TBX15: variants seen among roughly 807,000 people sequenced by gnomAD.
TBX15 encodes the protein T-box transcription factor TBX15.
TBX15 carries 18 observed loss-of-function variants against 53.9 expected under a neutral mutation model. The observed-to-expected ratio is 0.33, with a 90% confidence interval of 0.23 to 0.49. The LOEUF (loss-of-function observed/expected upper bound fraction) is 0.49. Ranked by LOEUF, TBX15 falls within the 20% of genes least tolerant of loss-of-function variation. TBX15 has a pLI of 0.98. For synonymous variants in TBX15, 295 were observed against 278.0 expected, an observed-to-expected ratio of 1.06 and a Z score of -0.61; for missense variants, 692 against 749.5, an observed-to-expected ratio of 0.92 and a Z score of 0.90.
At chr1:118,889,399 A>C (rs1430143456) in intron 7 of TBX15, among the ~76,000 whole-genome samples, 2 of 152,212 alleles carry the variant, frequency 1.3e-5, no homozygotes, top group African/African-American at 4.8e-5. Context: ...CACTTGGCTG[A>C]CTAGAGATTC....
Position 118,988,054 on chromosome 1 carries a change from C to A in TBX15, c.-259G>T. On this transcript the variant is annotated 5_prime_UTR_variant, in exon 1 of 8. Coordinates refer to ENST00000369429, the MANE Select transcript of TBX15 (RefSeq NM_001330677.2). ...GAGCGCCGCCCGCTCGCTGCATGAGCGCCCGAGTCCTGCTTCCCACCCACC... is the reference window on the plus strand; with the variant it reads ...GAGCGCCGCCCGCTCGCTGCATGAGAGCCCGAGTCCTGCTTCCCACCCACC... 1.8e-6 allele frequency: 1 copy of A among 552,102 alleles called. No individual in the cohort carries two copies. The highest frequency in any genetic ancestry group is 3.2e-6 in the Non-Finnish European group (1 of 312,666). The allele number at this position is 552,102 out of a possible 1,614,324, so 34.2% of individuals were successfully genotyped here.
chr1:118,928,932 C>G (rs549682201), intron 2 of TBX15, among the ~76,000 whole-genome samples: 1 of 152,332 alleles, frequency 6.6e-6, no homozygotes, highest in African/African-American at 2.4e-5. Flanking sequence ...CTTTAAAATT[C>G]TGTGACTACC....
intron 7 of TBX15, among the ~76,000 whole-genome samples, chr1:118,887,504 G>A (rs1436141801): frequency 3.3e-5 from 5 of 151,998 alleles, no homozygotes; most frequent in Admixed American, 6.6e-5. Flanking sequence ...GTGAAACCCC[G>A]TCTCTACTAA....
At chr1:118,947,541 G>A (rs1656385944) in intron 1 of TBX15, among the ~76,000 whole-genome samples, 1 of 152,190 alleles carries the variant, frequency 6.6e-6, no homozygotes, top group South Asian at 2.1e-4. Context: ...ACATCTGTGA[G>A]AAGTGGAGAA....
chr1:118,944,567 T>TGGTGTGTTGTTGAG (rs1656284439), intron 1 of TBX15, among the ~76,000 whole-genome samples: 1 of 152,202 alleles, frequency 6.6e-6, no homozygotes, highest in African/African-American at 2.4e-5. Flanking sequence ...CCAAAATAGC[T>TGGTGTGTTGTTGAG]GGTGTGTTGT....
At chr1:118,952,461 T>G (rs1656546575) in intron 1 of TBX15, among the ~76,000 whole-genome samples, 1 of 152,210 alleles carries the variant, frequency 6.6e-6, no homozygotes, top group Non-Finnish European at 1.5e-5. Context: ...TGTCTTTAGA[T>G]TCAAACCAAG....
chr1:118,898,920 T>C (rs374813035), intron 7 of TBX15, 108 bp downstream of exon 7: 8 of 1,094,676 alleles, frequency 7.3e-6, no homozygotes, highest in African/African-American at 4.7e-5. Context: ...TCCAGGAGAA[T>C]TGGTATAACC....
rs546718589 is a variant in TBX15 at position 118,901,064 on chromosome 1, T to C, written c.927-1939A>G. On this transcript the variant is annotated intron_variant, in intron 6 of 7. Coordinates refer to ENST00000369429, the MANE Select transcript of TBX15 (RefSeq NM_001330677.2). ...CTATGAAATTGCAATAATATACTGA[T>C]ACACTGCCAATATTTTATTTGTTGA... Among the ~76,000 whole-genome samples the C allele has an allele frequency of 5.3e-5, 8 of 152,346 alleles. No individual in the cohort carries two copies. The East Asian group carries it at 9.6e-4, about 18-fold the overall frequency.
chr1:118,937,473 T>C (rs114628554), intron 1 of TBX15, among the ~76,000 whole-genome samples: 1,917 of 152,312 alleles, frequency 0.013, 36 homozygotes, highest in African/African-American at 0.042. Flanking sequence ...CAGGTAGTGA[T>C]AGTTCTGTCT....
chr1:118,927,891 G>A (rs1277378409), intron 2 of TBX15, among the ~76,000 whole-genome samples: 2 of 152,202 alleles, frequency 1.3e-5, no homozygotes, highest in African/African-American at 4.8e-5. Flanking sequence ...CCCTGAATGT[G>A]CTCTAGGCTA....
At chr1:118,895,139 C>T (rs892385656) in intron 7 of TBX15, among the ~76,000 whole-genome samples, 1 of 152,124 alleles carries the variant, frequency 6.6e-6, no homozygotes, top group Non-Finnish European at 1.5e-5. Context: ...TCAACTAATA[C>T]AAGTCAAACT....
chr1:118,968,666 C>A (rs796280857), intron 1 of TBX15, among the ~76,000 whole-genome samples: 20 of 152,172 alleles, frequency 1.3e-4, no homozygotes, highest in Middle Eastern at 3.4e-3. Flanking sequence ...GAAGGAAAGA[C>A]CCAGAAGTTC....
At chr1:118,970,249 C>T (rs148257287) in intron 1 of TBX15, among the ~76,000 whole-genome samples, 18 of 152,280 alleles carry the variant, frequency 1.2e-4, no homozygotes, top group African/African-American at 4.3e-4. Context: ...AGTACAGCCT[C>T]CTTGTGTAAG....
At chr1:118,912,299 C>A (rs1444198795) in intron 6 of TBX15, among the ~76,000 whole-genome samples, 1 of 136,808 alleles carries the variant, frequency 7.3e-6, no homozygotes, top group Non-Finnish European at 1.6e-5. Flanking sequence ...GTATCTAGAG[C>A]AGAAATTCTT....
chr1:118,978,524 T>C (rs1193182354), intron 1 of TBX15, among the ~76,000 whole-genome samples: 1 of 152,148 alleles, frequency 6.6e-6, no homozygotes, highest in Non-Finnish European at 1.5e-5. Flanking sequence ...TTTTTCAACA[T>C]TAATATGTCT....
chr1:118,890,870 G>A (rs1457839132), intron 7 of TBX15: 43 of 1,302,398 alleles, frequency 3.3e-5, no homozygotes, highest in Middle Eastern at 2.1e-4. Context: ...TAATTACTTC[G>A]TTCCATGAGC....
At chr1:118,917,969 C>T (rs1655303161) in intron 5 of TBX15, among the ~76,000 whole-genome samples, 1 of 152,342 alleles carries the variant, frequency 6.6e-6, no homozygotes, top group Middle Eastern at 3.4e-3. Context: ...GACTGAGATG[C>T]TCCCAGTTCT....
At chr1:118,908,478 A>G (rs1463433885) in intron 6 of TBX15, among the ~76,000 whole-genome samples, 1 of 152,082 alleles carries the variant, frequency 6.6e-6, no homozygotes, top group African/African-American at 2.4e-5. Flanking sequence ...CCCAGAGGCA[A>G]CCCTGGATAT....
chr1:118,944,874 C>A (rs1027925790), intron 1 of TBX15, among the ~76,000 whole-genome samples: 1 of 152,184 alleles, frequency 6.6e-6, no homozygotes, highest in Non-Finnish European at 1.5e-5. Context: ...ATTTCCTGAG[C>A]ACCTGGGCTT....
Sources: allele counts gnomAD v4.1 joint callset (sites outside exome capture counted in the v4.1 genomes callset), GRCh38; gene constraint gnomAD v4.1.1; transcripts MANE v1.5; gene names NCBI Gene and HGNC (gene_info 2026-07-23, HGNC 2026-07-21).